GFRA2: variants seen among roughly 807,000 people sequenced by gnomAD.
The protein encoded by GFRA2 is GDNF family receptor alpha-2.
Under a neutral mutation model 48.3 loss-of-function variants are expected in GFRA2, and 17 were observed. The observed-to-expected ratio is 0.35, with a 90% CI of 0.24 to 0.53. The LOEUF (loss-of-function observed/expected upper bound fraction) is 0.53, where lower values mean the gene tolerates loss of function less well. Among genes scored for constraint, GFRA2 ranks in the 20% least tolerant of loss-of-function variants. The pLI is 0.93. For synonymous variants in GFRA2, 305 were observed against 257.2 expected, an observed-to-expected ratio of 1.19 and a Z score of -1.78; for missense variants, 660 against 637.3, an observed-to-expected ratio of 1.04 and a Z score of -0.38.
At chr8:21,762,273 C>T (rs976126899) in intron 3 of GFRA2, among the ~76,000 whole-genome samples, 3 of 152,082 alleles carry the variant, frequency 2.0e-5, no homozygotes, top group African/African-American at 7.2e-5. Flanking sequence ...TCAGTGTCCC[C>T]GTCCCCAGGA....
intron 4 of GFRA2, among the ~76,000 whole-genome samples, chr8:21,722,604 T>C: frequency 6.6e-6 from 1 of 152,108 alleles, no homozygotes; most frequent in Admixed American, 6.5e-5. Flanking sequence ...CCGCATGCAG[T>C]GAGCTCTCCC....
At chr8:21,725,102 A>G (rs1431130757) in intron 4 of GFRA2, among the ~76,000 whole-genome samples, 1 of 152,232 alleles carries the variant, frequency 6.6e-6, no homozygotes, top group African/African-American at 2.4e-5. Context: ...AGCAGCACAC[A>G]TGAGCATAGG....
intron 7 of GFRA2, among the ~76,000 whole-genome samples, chr8:21,698,258 G>T (rs1249281521): frequency 6.6e-6 from 1 of 152,212 alleles, no homozygotes; most frequent in East Asian, 1.9e-4. Context: ...ACCCCTGAGG[G>T]CTGTGCTGTG....
chr8:21,722,640 C>T (rs181193539), intron 4 of GFRA2, among the ~76,000 whole-genome samples: 1 of 152,132 alleles, frequency 6.6e-6, no homozygotes, highest in African/African-American at 2.4e-5. Context: ...CAGACCCATA[C>T]GAAGGCCCTG....
At chr8:21,745,205 A>C (rs996365952) in intron 4 of GFRA2, among the ~76,000 whole-genome samples, 1 of 152,194 alleles carries the variant, frequency 6.6e-6, no homozygotes, top group African/African-American at 2.4e-5. Flanking sequence ...GCTTGCTTTC[A>C]TGTGGTGCCA....
chr8:21,784,381 T>A (rs1807163353), intron 1 of GFRA2: 1 of 455,928 alleles, frequency 2.2e-6, no homozygotes, highest in Non-Finnish European at 4.4e-6. Context: ...CGACTCCATC[T>A]CGCCTCAGAA....
At position 21,767,564 on chromosome 8, in the gene GFRA2, G is replaced by A. The variant is rs910753485; in HGVS notation, c.439+7408C>T. On this transcript the variant is annotated intron_variant, in intron 3 of 8. Transcript: ENST00000524240. ...GGCGAAGCCAGGGCGTGCTCAGGGA[G>A]CCCGGAGCCCCACCAGCGCCATCTC... Among the ~76,000 whole-genome samples, 6 of 152,358 alleles carry A rather than the reference G, an allele frequency of 3.9e-5. No individual in the cohort carries two copies. The East Asian group carries it at 7.7e-4, about 20-fold the overall frequency.
intron 4 of GFRA2, among the ~76,000 whole-genome samples, chr8:21,720,515 G>A (rs1156524480): frequency 6.6e-6 from 1 of 152,112 alleles, no homozygotes; most frequent in African/African-American, 2.4e-5. Context: ...AGAAGTCCCT[G>A]GGCTTCCACA....
At chr8:21,801,841 C>T (rs1294743744) in intron 2 of GFRA2, among the ~76,000 whole-genome samples, 5 of 152,320 alleles carry the variant, frequency 3.3e-5, no homozygotes, top group Admixed American at 6.5e-5. Flanking sequence ...AAACTGTCCA[C>T]GCCCAGTGCT....
intron 7 of GFRA2, among the ~76,000 whole-genome samples, chr8:21,700,257 A>ACATGGGCCGAG (rs111558863): frequency 6.6e-6 from 1 of 151,798 alleles, no homozygotes; most frequent in African/African-American, 2.4e-5. Flanking sequence ...TATTTAATAT[A>ACATGGGCCGAG]CCAGAAGGCC....
intron 4 of GFRA2, among the ~76,000 whole-genome samples, chr8:21,740,983 T>G (rs1804719025): frequency 6.6e-6 from 1 of 152,216 alleles, no homozygotes. Flanking sequence ...CTGGGCTGAG[T>G]GGCCATCATC....
At position 21,750,085 on chromosome 8, in the gene GFRA2, G is replaced by A. The variant is rs201285616; in HGVS notation, c.794+503C>T. Among the ~76,000 whole-genome samples the A allele has an allele frequency of 0.04, 3,622 of 89,568 alleles. 95 individuals are homozygous for A. Among genetic ancestry groups the A allele is most frequent in the East Asian group, 0.13 (490 of 3,868 alleles). The allele number at this position is 89,568 out of a possible 152,430, so 58.8% of individuals were successfully genotyped here. ...TATGTGTATATATGTGTGTGTGTGT[G>A]TATACACACACACACACACACACAC... On this transcript the variant is annotated intron_variant, in intron 4 of 8. Transcript: ENST00000524240. This position sits in a 1 kb window ranked among gnomAD's most constrained non-coding sequence, Gnocchi z 5.7.
At chr8:21,731,157 G>A (rs563127616) in intron 4 of GFRA2, among the ~76,000 whole-genome samples, 41 of 152,120 alleles carry the variant, frequency 2.7e-4, no homozygotes, top group Non-Finnish European at 4.6e-4. Context: ...CTCCCCCAGC[G>A]TCACGTGGCG....
chr8:21,810,491 T>C (rs1807958107), intron 1 of GFRA2, among the ~76,000 whole-genome samples: 1 of 152,172 alleles, frequency 6.6e-6, no homozygotes, highest in Non-Finnish European at 1.5e-5. Context: ...CTCCTTGGCA[T>C]GCTCAGAATA....
At chr8:21,694,071 T>TATATATATATATATATA (rs1563209393) in intron 8 of GFRA2, among the ~76,000 whole-genome samples, 1 of 71,050 alleles carries the variant, frequency 1.4e-5, no homozygotes, top group African/African-American at 5.3e-5. Context: ...ATATATTTAT[T>TATATATATATATATATA]TATTTTTATA....
intron 3 of GFRA2, among the ~76,000 whole-genome samples, chr8:21,770,337 C>T (rs1806383412): frequency 6.6e-6 from 1 of 152,270 alleles, no homozygotes; most frequent in East Asian, 1.9e-4. Context: ...GCATGCCAGG[C>T]TCAGGCCAAG....
chr8:21,779,963 C>T (rs898708515), intron 2 of GFRA2, among the ~76,000 whole-genome samples: 62 of 152,146 alleles, frequency 4.1e-4, no homozygotes, highest in African/African-American at 1.3e-3. Flanking sequence ...CCCAAAGGCA[C>T]CATTCCACAG....
At chr8:21,787,221 T>C (rs1807318403) in intron 1 of GFRA2, among the ~76,000 whole-genome samples, 1 of 131,060 alleles carries the variant, frequency 7.6e-6, no homozygotes. Context: ...TGCGTGGGGC[T>C]CAGTGGCGCC....
At chr8:21,703,050 C>A in intron 6 of GFRA2, 73 bp from the exon 7 acceptor site, 2 of 947,162 alleles carry the variant, frequency 2.1e-6, no homozygotes, top group Non-Finnish European at 3.0e-6. Context: ...GCTCCTCACA[C>A]TCTTCACCCT....
Sources: allele counts gnomAD v4.1 joint callset (sites outside exome capture counted in the v4.1 genomes callset), GRCh38; gene constraint gnomAD v4.1.1; non-coding constraint Gnocchi (gnomAD v3.1); transcripts MANE v1.5; gene names NCBI Gene and HGNC (gene_info 2026-07-23, HGNC 2026-07-21).